Variants in C3orf52 observed in about 807,000 individuals in gnomAD.
The protein encoded by C3orf52 is chromosome 3 open reading frame 52, also known as TPA-induced transmembrane protein.
A neutral mutation model predicts 24.8 loss-of-function variants in C3orf52; 22 were observed. The observed-to-expected ratio is 0.89, with a 90% confidence interval of 0.63 to 1.27. The LOEUF is 1.27. Ranked by LOEUF, C3orf52 falls within the 50% of genes most tolerant of loss-of-function variation. The pLI, the probability that C3orf52 is intolerant of heterozygous loss-of-function variation, is 0.00. For synonymous variants in C3orf52, 93 were observed against 100.2 expected (o/e 0.93, Z 0.43); for missense variants, 265 against 260.7 (o/e 1.02, Z -0.11).
intron 4 of C3orf52, chr3:112,112,008 A>G (rs1576148146): frequency 6.6e-6 from 1 of 152,198 alleles, no homozygotes; most frequent in South Asian, 2.1e-4. Flanking sequence ...CTCTTTGCCT[A>G]TCCTTAGCAG....
At chr3:112,127,496 T>A (rs1196645169) in intron 4 of C3orf52, among the ~76,000 whole-genome samples, 2 of 152,174 alleles carry the variant, frequency 1.3e-5, no homozygotes, top group African/African-American at 4.8e-5. Flanking sequence ...GATATAAATA[T>A]AATGGAAGCC....
intron 1 of C3orf52, among the ~76,000 whole-genome samples, chr3:112,091,292 A>G (rs2073875201): frequency 6.6e-6 from 1 of 152,126 alleles, no homozygotes; most frequent in South Asian, 2.1e-4. Flanking sequence ...GTTTAAGAGC[A>G]CCCCTCCTCT....
At chr3:112,126,889 T>C (rs1027381786) in intron 4 of C3orf52, 4 of 854,030 alleles carry the variant, frequency 4.7e-6, no homozygotes, top group Admixed American at 4.1e-5. Context: ...GATATTGTAA[T>C]TGAAATATGC....
chr3:112,114,713 A>T (rs1363090047), intron 5 of C3orf52, among the ~76,000 whole-genome samples: 1 of 152,096 alleles, frequency 6.6e-6, no homozygotes, highest in African/African-American at 2.4e-5. Context: ...TCAAAAGAAA[A>T]AAAAACCCAG....
At chr3:112,104,107 C>T (rs1430145680) in intron 3 of C3orf52, among the ~76,000 whole-genome samples, 10 of 152,118 alleles carry the variant, frequency 6.6e-5, no homozygotes, top group Non-Finnish European at 1.5e-5. Context: ...GGTATTCTCA[C>T]TCAATAAGAG....
intron 2 of C3orf52, among the ~76,000 whole-genome samples, chr3:112,101,226 A>G (rs1407738217): frequency 6.6e-6 from 1 of 152,204 alleles, no homozygotes; most frequent in African/African-American, 2.4e-5. Context: ...GATCTATTAC[A>G]GCAAAAGGAT....
chr3:112,112,926 A>T, intron 4 of C3orf52, 38 bp from the exon 5 acceptor site: 1 of 1,501,846 alleles, frequency 6.7e-7, no homozygotes, highest in African/African-American at 1.4e-5. Context: ...TTGCAGTATG[A>T]TGCTGTTTAT....
At chr3:112,133,444 T>G (rs2074507007), downstream of C3orf52, 2 of 297,336 alleles carry the variant, frequency 6.7e-6, no homozygotes, top group Non-Finnish European at 1.2e-5. Flanking sequence ...GCCATGGGAG[T>G]TTTTCCACTA....
At chr3:112,096,824 G>A (rs1161731880) in intron 2 of C3orf52, among the ~76,000 whole-genome samples, 1 of 152,166 alleles carries the variant, frequency 6.6e-6, no homozygotes, top group African/African-American at 2.4e-5. Context: ...TCTACAGACT[G>A]TGCAGCCTTC....
Position 112,102,917 on chromosome 3 carries a change from A to G in C3orf52, c.348A>G (p.Pro116=). 1 of 1,611,262 alleles carries G rather than the reference A, an allele frequency of 6.2e-7. No homozygotes were observed. Among genetic ancestry groups the G allele is most frequent in the Non-Finnish European group, 8.5e-7 (1 of 1,178,712 alleles). Residue 116 remains proline (P), a synonymous_variant, in exon 3 of 6, where the codon CCA becomes CCG. Coordinates refer to ENST00000264848, the MANE Select transcript of C3orf52 (RefSeq NM_024616.3). The part of the protein sequence containing the change: ...NKTFFIMLKI[P]EECVAEEELP... Reference sequence around the variant, plus strand: ...CATTCTTCATCATGCTGAAGATTCCAGAGGAGTGTGTTGCTGAAGAGGAAT... The same window carrying G: ...CATTCTTCATCATGCTGAAGATTCCGGAGGAGTGTGTTGCTGAAGAGGAAT...
chr3:112,119,189 C>A (rs1000398201), downstream of C3orf52, among the ~76,000 whole-genome samples: 4 of 152,094 alleles, frequency 2.6e-5, no homozygotes, highest in South Asian at 8.3e-4. Flanking sequence ...TCGAGACCAG[C>A]CTGACAAACA....
downstream of C3orf52, chr3:112,130,589 C>T: frequency 7.6e-7 from 1 of 1,315,328 alleles, no homozygotes; most frequent in Non-Finnish European, 1.1e-6. Flanking sequence ...ATTTTTCCGA[C>T]TTTCCTCATT....
intron 3 of C3orf52, among the ~76,000 whole-genome samples, chr3:112,104,053 G>C (rs2074002764): frequency 6.6e-6 from 1 of 152,202 alleles, no homozygotes; most frequent in Non-Finnish European, 1.5e-5. Flanking sequence ...ACTTGAACTA[G>C]GGCAGTGTCG....
At chr3:112,125,072 C>G (rs1433813350) in intron 4 of C3orf52, among the ~76,000 whole-genome samples, 1 of 152,180 alleles carries the variant, frequency 6.6e-6, no homozygotes, top group East Asian at 1.9e-4. Context: ...CCACCCGGCC[C>G]TGCACCTGCC....
chr3:112,135,178 G>A (rs1399090413), downstream of C3orf52: 1 of 153,392 alleles, frequency 6.5e-6, no homozygotes, highest in Non-Finnish European at 1.5e-5. Flanking sequence ...ATGGATTTTT[G>A]TATTATCCTT....
intron 3 of C3orf52, among the ~76,000 whole-genome samples, chr3:112,106,639 G>A (rs1290758444): frequency 6.6e-6 from 1 of 152,186 alleles, no homozygotes; most frequent in Non-Finnish European, 1.5e-5. Flanking sequence ...TCTGTGCCAG[G>A]AACTGGGGCA....
intron 4 of C3orf52, chr3:112,123,793 A>G (rs747064688): frequency 6.3e-6 from 10 of 1,598,682 alleles, no homozygotes; most frequent in Non-Finnish European, 8.5e-6. Flanking sequence ...AAGAAGAACC[A>G]TCATCAAGAT....
rs777082126 is a variant in C3orf52, at chr3:112,086,419, C to G, written c.12C>G (p.Ala4=). The G allele has an allele frequency of 1.3e-6, 2 of 1,550,026 alleles. No individual in the cohort carries two copies. The highest frequency in any genetic ancestry group is 1.7e-6 in the Non-Finnish European group (2 of 1,146,048). Reference sequence around the variant, plus strand: ...TTCCCTGCCGGCACATGGACCTGGCCCAACCCTCACAGCCAGTAGACGAGC... The same window carrying G: ...TTCCCTGCCGGCACATGGACCTGGCGCAACCCTCACAGCCAGTAGACGAGC... MDL[A]QPSQPVDELE... is the part of the protein sequence containing the mutation. The change falls in exon 1 of 6, where the codon GCC becomes GCG. Residue 4 remains alanine, a synonymous_variant. Coordinates refer to ENST00000264848, the MANE Select transcript of C3orf52 (RefSeq NM_024616.3).
At chr3:112,112,756 G>T in intron 4 of C3orf52, 1 of 609,780 alleles carries the variant, frequency 1.6e-6, no homozygotes. Flanking sequence ...GGTGGAAGGA[G>T]GAGGTTAGGA....
Sources: allele counts gnomAD v4.1 joint callset (sites outside exome capture counted in the v4.1 genomes callset), GRCh38; gene constraint gnomAD v4.1.1; transcripts MANE v1.5; gene names NCBI Gene and HGNC (gene_info 2026-07-23, HGNC 2026-07-21).